ADGRV1: variants seen among roughly 807,000 people sequenced by gnomAD.
The protein encoded by ADGRV1 is adhesion G protein-coupled receptor V1.
A neutral mutation model predicts 596.2 loss-of-function variants in ADGRV1; 359 were observed. The ratio of observed to expected loss-of-function variants is 0.60; its 90% CI spans 0.55 to 0.66. The LOEUF is 0.66. ADGRV1 is among the 30% of genes least tolerant of loss of function. ADGRV1 has a pLI of 0.00. For missense variants in ADGRV1, 7,274 were observed against 7,575.6 expected, an observed-to-expected ratio of 0.96 and a Z score of 1.48; for synonymous variants, 2,681 against 2,679.2, an observed-to-expected ratio of 1.00 and a Z score of -0.02.
At chr5:91,154,307 G>A (rs1284223793) in intron 89 of ADGRV1, among the ~76,000 whole-genome samples, 1 of 152,144 alleles carries the variant, frequency 6.6e-6, no homozygotes, top group Admixed American at 6.5e-5. Flanking sequence ...TTATTCAGAA[G>A]TGCATTTTAC....
chr5:90,616,548 A>G (rs1032352687), intron 2 of ADGRV1, among the ~76,000 whole-genome samples: 12 of 152,152 alleles, frequency 7.9e-5, no homozygotes, highest in African/African-American at 2.9e-4. Flanking sequence ...TTGGCAGGCC[A>G]CATACATCTC....
intron 83 of ADGRV1, among the ~76,000 whole-genome samples, chr5:90,934,323 A>G (rs1400433164): frequency 6.6e-6 from 1 of 151,986 alleles, no homozygotes; most frequent in East Asian, 1.9e-4. Flanking sequence ...CAATCTTGCT[A>G]TTGCTTGAAG....
At chr5:91,042,065 T>C (rs1785407866) in intron 85 of ADGRV1, among the ~76,000 whole-genome samples, 1 of 152,332 alleles carries the variant, frequency 6.6e-6, no homozygotes, top group South Asian at 2.1e-4. Context: ...CTTAGTTTTA[T>C]TGATTTACTG....
intron 77 of ADGRV1, among the ~76,000 whole-genome samples, chr5:90,839,349 G>T (rs891434674): frequency 6.6e-6 from 1 of 152,162 alleles, no homozygotes; most frequent in Non-Finnish European, 1.5e-5. Context: ...CCAGTAGTTG[G>T]AATTACAGGT....
At chr5:91,074,951 G>A (rs1250007581) in intron 86 of ADGRV1, among the ~76,000 whole-genome samples, 1 of 152,128 alleles carries the variant, frequency 6.6e-6, no homozygotes, top group Non-Finnish European at 1.5e-5. Context: ...ATTTTCATAT[G>A]CTTGTTGGCT....
chr5:91,115,947 AAACAACAAC>A (rs3079443), intron 87 of ADGRV1, among the ~76,000 whole-genome samples: 5 of 150,644 alleles, frequency 3.3e-5, no homozygotes, highest in East Asian at 2.0e-4. Flanking sequence ...CTTCCATCTA[AAACAACAAC>A]AACAACAACA....
At chr5:90,569,383 A>ATT (rs1325087943) in intron 1 of ADGRV1, among the ~76,000 whole-genome samples, 1 of 17,428 alleles carries the variant, frequency 5.7e-5, no homozygotes, top group Non-Finnish European at 9.1e-5. Flanking sequence ...ATATATATAT[A>ATT]TATATTTTTT....
At chr5:90,976,322 G>GTATATATATA (rs70973719) in intron 84 of ADGRV1, among the ~76,000 whole-genome samples, 107 of 108,600 alleles carry the variant, frequency 9.9e-4, no homozygotes, top group African/African-American at 3.6e-3. Context: ...GTGTGTGTGT[G>GTATATATATA]TATATATATA....
At chr5:91,039,181 C>G (rs1217170860) in intron 85 of ADGRV1, among the ~76,000 whole-genome samples, 1 of 152,122 alleles carries the variant, frequency 6.6e-6, no homozygotes, top group Non-Finnish European at 1.5e-5. Flanking sequence ...CTCAAGCTAG[C>G]ATAAGAAAAT....
intron 58 of ADGRV1, chr5:90,759,968 A>C (rs1756316281): frequency 7.2e-6 from 1 of 138,302 alleles, no homozygotes; most frequent in African/African-American, 3.2e-5. Context: ...CATCTCAAAA[A>C]AAAAAAAAAA....
At chr5:90,968,802 T>C (rs531472508) in intron 84 of ADGRV1, among the ~76,000 whole-genome samples, 15 of 152,286 alleles carry the variant, frequency 9.8e-5, no homozygotes, top group African/African-American at 3.6e-4. Context: ...TGAATAAAAT[T>C]GAGAGAAGTT....
Position 90,997,997 on chromosome 5 carries a change from C to T in ADGRV1, c.18152+12475C>T, listed in dbSNP as rs544016361. On this transcript the variant is annotated intron_variant, in intron 85 of 89. Coordinates refer to ENST00000405460, the MANE Select transcript of ADGRV1 (RefSeq NM_032119.4). ...TAGTAATTACATGTAAACAATCAGA[C>T]AAGCCCAGTTAAACATTGTTGACCC... Among the ~76,000 whole-genome samples, 34 of 152,308 alleles carry T rather than the reference C, an allele frequency of 2.2e-4. 1 individual carries two copies. In the South Asian group the frequency reaches 6.4e-3, roughly 29 times the overall value.
chr5:90,919,728 C>T (rs1773703357), intron 83 of ADGRV1, among the ~76,000 whole-genome samples: 1 of 152,124 alleles, frequency 6.6e-6, no homozygotes, highest in Non-Finnish European at 1.5e-5. Flanking sequence ...GGCGTGGTGG[C>T]TCACACCTGT....
rs567897790 is a variant in ADGRV1, at chr5:90,699,516, CTT to C, written c.8155+2371_8155+2372del. ...AGGATAGACGAGATTTAAGGAGGGA[CTT>C]AGAGCTATACTAGGCATGCACTTTT... On this transcript the variant is annotated intron_variant, in intron 34 of 89. Transcript: ENST00000405460. Among the ~76,000 whole-genome samples, 71 of 152,258 alleles carry C rather than the reference CTT, an allele frequency of 4.7e-4. No individual in the cohort carries two copies. The Middle Eastern group carries it at 0.01, about 22-fold the overall frequency.
At chr5:90,796,912 G>A (rs1006076632) in intron 70 of ADGRV1, among the ~76,000 whole-genome samples, 30 of 152,002 alleles carry the variant, frequency 2.0e-4, no homozygotes, top group African/African-American at 5.8e-4. Context: ...CTTTACAGAC[G>A]AGCAAATGCT....
chr5:90,663,789 A>G (rs891452991), intron 21 of ADGRV1, among the ~76,000 whole-genome samples: 7 of 151,856 alleles, frequency 4.6e-5, no homozygotes, highest in East Asian at 1.9e-4. Flanking sequence ...TGATTTTTGT[A>G]TAAGGTGTAA....
chr5:90,998,900 C>T (rs949987098), intron 85 of ADGRV1, among the ~76,000 whole-genome samples: 1 of 152,016 alleles, frequency 6.6e-6, no homozygotes, highest in Non-Finnish European at 1.5e-5. Context: ...GTTTTAATAG[C>T]TTCATTTATC....
intron 21 of ADGRV1, among the ~76,000 whole-genome samples, chr5:90,662,265 C>A (rs886135005): frequency 7.0e-6 from 1 of 143,022 alleles, no homozygotes; most frequent in African/African-American, 2.7e-5. Context: ...GCGATCATGG[C>A]TCACTGCAAG....
At chr5:90,811,399 G>A (rs1762428789) in intron 74 of ADGRV1, 61 bp downstream of exon 74, 3 of 1,393,670 alleles carry the variant, frequency 2.2e-6, no homozygotes, top group African/African-American at 2.9e-5. Flanking sequence ...TTGTATTAAG[G>A]TGAATCTAGC....
Sources: allele counts gnomAD v4.1 joint callset (sites outside exome capture counted in the v4.1 genomes callset), GRCh38; gene constraint gnomAD v4.1.1; transcripts MANE v1.5; gene names NCBI Gene and HGNC (gene_info 2026-07-23, HGNC 2026-07-21).